Variants in CBFA2T3 observed in about 807,000 individuals in gnomAD.
The protein encoded by CBFA2T3 is transcriptional corepressor CBFA2T3.
In CBFA2T3, 31 loss-of-function variants were observed where a neutral mutation model predicts 58.6. The observed-to-expected ratio is 0.53, with a 90% CI of 0.40 to 0.71. The LOEUF is 0.71. Ranked by LOEUF, CBFA2T3 falls within the 30% of genes least tolerant of loss-of-function variation. CBFA2T3 has a pLI of 0.00. For missense variants in CBFA2T3, 1,076 were observed against 963.1 expected (o/e 1.12, Z -1.55); for synonymous variants, 531 against 421.9 (o/e 1.26, Z -3.17).
chr16:88,909,521 G>A (rs1474779516), intron 1 of CBFA2T3, among the ~76,000 whole-genome samples: 8 of 151,950 alleles, frequency 5.3e-5, no homozygotes, highest in Admixed American at 2.0e-4. Flanking sequence ...ACTGCAACCC[G>A]GGTGACCATG....
intron 1 of CBFA2T3, among the ~76,000 whole-genome samples, chr16:88,934,454 G>A (rs1319983022): frequency 6.6e-6 from 1 of 152,260 alleles, no homozygotes; most frequent in Admixed American, 6.5e-5. Flanking sequence ...ACAGCAGCCA[G>A]CAGGGCCACA....
Position 88,879,345 on chromosome 16 carries a change from C to CCGCTCCATCTTGGCA in CBFA2T3, c.1572_1586dup (p.Lys526_Ala530dup). 6.2e-7 allele frequency: 1 copy of CCGCTCCATCTTGGCA among 1,612,784 alleles called. No individual in the cohort carries two copies. The highest frequency in any genetic ancestry group is 8.5e-7 in the Non-Finnish European group (1 of 1,179,662). ...CCTGCCGCTTCGCCTCGGCCAGGGC[C>CCGCTCCATCTTGGCA]CGCTCCATCTTGGCACGCTCCGTGG... On this transcript the variant is annotated inframe_insertion, in exon 11 of 12. Coordinates refer to ENST00000268679, the MANE Select transcript of CBFA2T3 (RefSeq NM_005187.6).
chr16:88,888,488 C>T (rs1319068762), intron 5 of CBFA2T3, among the ~76,000 whole-genome samples: 1 of 96 alleles, frequency 0.01, no homozygotes, highest in Non-Finnish European at 0.014. Flanking sequence ...TGGGGGGGTG[C>T]GGGTGGGGTT....
At position 88,874,967 on chromosome 16, in the gene CBFA2T3, C is replaced by T. The variant is rs949992720; in HGVS notation, c.*2009G>A. The T allele has an allele frequency of 6.0e-5, 14 of 233,568 alleles. No individual in the cohort carries two copies. Among genetic ancestry groups the T allele is most frequent in the South Asian group, 3.6e-4 (2 of 5,582 alleles). 14.5% of individuals were successfully genotyped at this position (233,568 alleles called of 1,614,324 possible). A position where few individuals can be genotyped will look rare whatever the true frequency, so the allele number is the denominator to read the frequency against. On this transcript the variant is annotated 3_prime_UTR_variant, in exon 12 of 12. Transcript: ENST00000268679. ...TCACATTAACGTACACGCTCAGCTT[C>T]AGGCCTCTGGCGGGCTGTTCGTGGC...
intron 8 of CBFA2T3, 84 bp downstream of exon 8, chr16:88,882,592 A>ATGGCTGTGGGCGTGGCTGTGTGTGCG (rs1969163818): frequency 1.4e-6 from 1 of 700,846 alleles, no homozygotes; most frequent in South Asian, 1.7e-5. Flanking sequence ...CTGTGTGTGC[A>ATGGCTGTGGGCGTGGCTGTGTGTGCG]TGGCTGTGTG....
rs1007585410 is a variant in CBFA2T3 at position 88,877,105 on chromosome 16, G to C, written c.1833C>G (p.Pro611=). 1 of 1,545,180 alleles carries C rather than the reference G, an allele frequency of 6.5e-7. No homozygotes were observed. Among genetic ancestry groups the C allele is most frequent in the East Asian group, 2.5e-5 (1 of 40,810 alleles). Residue 611 remains proline, a synonymous_variant, in exon 12 of 12, where the codon CCC becomes CCG. Coordinates refer to ENST00000268679, the MANE Select transcript of CBFA2T3 (RefSeq NM_005187.6). ...AVVADPVPGP[P]EAAHSLGPSL... ...AGGGGCCCAGGCTGTGGGCGGCTTC[G>C]GGCGGTCCAGGCACCGGGTCGGCCA...
At chr16:88,922,476 G>C (rs978008324) in intron 1 of CBFA2T3, among the ~76,000 whole-genome samples, 1 of 152,238 alleles carries the variant, frequency 6.6e-6, no homozygotes, top group Non-Finnish European at 1.5e-5. Context: ...TGGAGCATTA[G>C]ATCCTGTCTG....
chr16:88,952,094 C>T (rs1371271571), intron 1 of CBFA2T3, among the ~76,000 whole-genome samples: 1 of 152,246 alleles, frequency 6.6e-6, no homozygotes, highest in African/African-American at 2.4e-5. Context: ...GGAAGCTGCT[C>T]TGGGCACCTG....
intron 8 of CBFA2T3, 148 bp downstream of exon 8, chr16:88,882,528 G>C: frequency 7.7e-6 from 5 of 651,000 alleles, no homozygotes; most frequent in Admixed American, 2.2e-5. Flanking sequence ...TGGCTTGTGT[G>C]GGCATGGCTG....
intron 1 of CBFA2T3, among the ~76,000 whole-genome samples, chr16:88,914,662 A>G (rs1413880772): frequency 2.6e-5 from 4 of 152,136 alleles, no homozygotes; most frequent in Non-Finnish European, 5.9e-5. Flanking sequence ...AGGTGCCATC[A>G]AAGGTGCCCT....
In CBFA2T3 at chr16:88,898,056, C is replaced by CG. The variant is rs752396820; in HGVS notation, c.379+21dup. The CG allele has an allele frequency of 3.2e-6, 5 of 1,576,314 alleles. No homozygotes were observed. The South Asian group carries it at 5.5e-5, about 17-fold the overall frequency. ...CGGTGAAGACCTCTGGGGAGGCCTG[C>CG]GGTTTTTGTTATTTTACTTACAGAG... On this transcript the variant is annotated intron_variant, in intron 3 of 11. Transcript: ENST00000268679.
chr16:88,888,602 T>TGGGGTGGGGG (rs1969494941), intron 5 of CBFA2T3, among the ~76,000 whole-genome samples: 1 of 2,520 alleles, frequency 4.0e-4, no homozygotes, highest in Non-Finnish European at 6.8e-4. Context: ...GTGGGGTGGG[T>TGGGGTGGGGG]GGGAGGGGTG....
intron 1 of CBFA2T3, among the ~76,000 whole-genome samples, chr16:88,916,546 G>A (rs572924175): frequency 6.6e-6 from 1 of 152,096 alleles, no homozygotes; most frequent in South Asian, 2.1e-4. Context: ...TGTGACCTCA[G>A]GGATGGCTGC....
At chr16:88,897,647 G>A (rs1319164253) in intron 3 of CBFA2T3, among the ~76,000 whole-genome samples, 1 of 152,218 alleles carries the variant, frequency 6.6e-6, no homozygotes, top group Admixed American at 6.5e-5. Context: ...GAGGCACGGG[G>A]GGTGGTACCT....
At chr16:88,932,688 C>G (rs534120379) in intron 1 of CBFA2T3, among the ~76,000 whole-genome samples, 1 of 149,400 alleles carries the variant, frequency 6.7e-6, no homozygotes, top group African/African-American at 2.5e-5. Context: ...TGGTTCACGC[C>G]TGTCATCCCA....
intron 10 of CBFA2T3, 69 bp downstream of exon 10, chr16:88,880,651 G>T: frequency 7.7e-7 from 1 of 1,297,104 alleles, no homozygotes. Flanking sequence ...AAGCTGAGCC[G>T]GTGAGAGGCG....
intron 2 of CBFA2T3, among the ~76,000 whole-genome samples, chr16:88,898,526 T>C (rs516137): frequency 0.27 from 41,295 of 152,142 alleles, 6,804 homozygotes; most frequent in African/African-American, 0.46. Context: ...GTTCCGGAGT[T>C]TACAAGAACC....
At chr16:88,917,061 G>A (rs1258295281) in intron 1 of CBFA2T3, among the ~76,000 whole-genome samples, 7 of 146,486 alleles carry the variant, frequency 4.8e-5, no homozygotes, top group African/African-American at 1.8e-4. Flanking sequence ...GTGACACCGT[G>A]ACTCTGTCTC....
At chr16:88,961,544 A>T (rs71395362) in intron 1 of CBFA2T3, among the ~76,000 whole-genome samples, 2 of 104,332 alleles carry the variant, frequency 1.9e-5, no homozygotes, top group Non-Finnish European at 1.9e-5. Context: ...GACCCTCAGC[A>T]CTGGGCATTC....
Sources: gnomAD v4.1 joint callset for allele counts (sites outside exome capture counted in the v4.1 genomes callset) on GRCh38, gnomAD v4.1.1 for gene constraint, MANE v1.5 for transcripts, NCBI Gene and HGNC (gene_info 2026-07-23, HGNC 2026-07-21) for gene names.